Variants in NALCN observed in about 807,000 individuals in gnomAD.
NALCN encodes the protein sodium leak channel, non-selective.
Under a neutral mutation model 225.3 loss-of-function variants are expected in NALCN, and 111 were observed. That is an observed-to-expected ratio of 0.49 (90% confidence interval 0.42 to 0.58). The LOEUF (loss-of-function observed/expected upper bound fraction) is 0.58. NALCN is among the 20% of genes least tolerant of loss of function. NALCN has a pLI of 0.00. For missense variants in NALCN, 1,378 were observed against 2,202.4 expected (o/e 0.63, Z 7.49); for synonymous variants, 764 against 769.0 (o/e 0.99, Z 0.11).
intron 30 of NALCN, 46 bp from the exon 31 acceptor site, chr13:101,083,850 T>G: frequency 1.3e-6 from 2 of 1,581,520 alleles, no homozygotes; most frequent in Non-Finnish European, 8.6e-7. Flanking sequence ...GTCATGTGCT[T>G]GCACCAAGAA....
At chr13:101,246,898 G>C (rs940530415) in intron 11 of NALCN, among the ~76,000 whole-genome samples, 12 of 152,112 alleles carry the variant, frequency 7.9e-5, no homozygotes, top group African/African-American at 2.9e-4. Flanking sequence ...CTAGAAAAGA[G>C]GACTCCCTGC....
At chr13:101,117,130 T>C in intron 18 of NALCN, 1 of 353,638 alleles carries the variant, frequency 2.8e-6, no homozygotes, top group Non-Finnish European at 5.6e-6. Flanking sequence ...CTTCCCAATC[T>C]TGTGTTATTC....
intron 11 of NALCN, among the ~76,000 whole-genome samples, chr13:101,239,895 T>C (rs1362274612): frequency 2.0e-5 from 3 of 152,094 alleles, no homozygotes; most frequent in Non-Finnish European, 4.4e-5. Context: ...TCCATGCCAG[T>C]ATCAGTGTAA....
intron 17 of NALCN, 164 bp downstream of exon 17, chr13:101,142,916 G>T: frequency 1.0e-6 from 1 of 991,298 alleles, no homozygotes; most frequent in Non-Finnish European, 1.5e-6. Context: ...TCAATGCATA[G>T]AGTAAAAAAT....
chr13:101,316,126 A>G (rs539737341), intron 7 of NALCN, among the ~76,000 whole-genome samples: 2 of 152,330 alleles, frequency 1.3e-5, no homozygotes, highest in East Asian at 3.9e-4. Context: ...TACTTAGATC[A>G]TATATGAGAA....
At chr13:101,271,639 C>T (rs185048619) in intron 10 of NALCN, among the ~76,000 whole-genome samples, 32 of 151,356 alleles carry the variant, frequency 2.1e-4, no homozygotes, top group African/African-American at 6.1e-4. Context: ...GAGGTATGTG[C>T]GTGTGTATGT....
At chr13:101,139,248 T>C (rs915850248) in intron 17 of NALCN, among the ~76,000 whole-genome samples, 2 of 152,180 alleles carry the variant, frequency 1.3e-5, no homozygotes, top group Admixed American at 6.5e-5. Flanking sequence ...CTTGGGTAAT[T>C]ACTGGGAGAA....
chr13:101,084,324 T>A (rs577668529), intron 30 of NALCN, among the ~76,000 whole-genome samples: 1 of 152,350 alleles, frequency 6.6e-6, no homozygotes, highest in African/African-American at 2.4e-5. Context: ...AATTCCATAT[T>A]CTGTATAATA....
intron 17 of NALCN, among the ~76,000 whole-genome samples, chr13:101,127,680 G>A (rs1016141390): frequency 1.3e-5 from 2 of 152,058 alleles, no homozygotes; most frequent in Non-Finnish European, 2.9e-5. Context: ...TTAAAAGAAG[G>A]AAAGGACTCA....
At chr13:101,128,000 G>T (rs915298624) in intron 17 of NALCN, among the ~76,000 whole-genome samples, 1 of 152,052 alleles carries the variant, frequency 6.6e-6, no homozygotes, top group Non-Finnish European at 1.5e-5. Flanking sequence ...GCAAAACAAA[G>T]AATACAGAGA....
Position 101,095,650 on chromosome 13 carries a change from C to T in NALCN, c.3193G>A (p.Val1065Ile). ...AAATTTAAGTTCTTTGACACACTGA[C>T]ATTAATTCTGAATATGCCATTGCAA... Reference protein sequence around the residue: ...EDCNGIFRINVSVSKNLNLKL... With the variant: ...EDCNGIFRINISVSKNLNLKL... The change falls in exon 28 of 44, where the codon GTC becomes ATC. Residue 1065 changes from valine (V) to isoleucine (I), a missense_variant. Physicochemically the swap from Val to Ile is conservative, Grantham distance 29. Around this residue, in one of 19 missense-constraint regions of NALCN, gnomAD observed 292 missense variants for 409.5 expected, o/e 0.71. Coordinates refer to ENST00000251127, the MANE Select transcript of NALCN (RefSeq NM_052867.4). The T allele has an allele frequency of 6.2e-7, 1 of 1,613,216 alleles. No homozygotes were observed. Among genetic ancestry groups the T allele is most frequent in the Non-Finnish European group, 8.5e-7 (1 of 1,179,604 alleles).
At chr13:101,082,954 C>T (rs1400398482) in intron 32 of NALCN, 71 bp from the exon 33 acceptor site, 2 of 1,588,326 alleles carry the variant, frequency 1.3e-6, no homozygotes, top group African/African-American at 2.7e-5. Flanking sequence ...CCTCTTCTGC[C>T]CACTTTGCCA....
chr13:101,350,369 G>C (rs2045873737), intron 6 of NALCN, among the ~76,000 whole-genome samples: 1 of 151,182 alleles, frequency 6.6e-6, no homozygotes, highest in Non-Finnish European at 1.5e-5. Context: ...GTTTTCTTTG[G>C]TTAACCCCAT....
intron 13 of NALCN, among the ~76,000 whole-genome samples, chr13:101,200,701 C>T (rs1012849944): frequency 2.6e-5 from 4 of 152,086 alleles, no homozygotes; most frequent in African/African-American, 9.7e-5. Context: ...GCAGAAGATC[C>T]TTTTCTCTCT....
At chr13:101,113,715 AAAGT>A (rs1489949399) in intron 18 of NALCN, among the ~76,000 whole-genome samples, 8 of 152,374 alleles carry the variant, frequency 5.3e-5, no homozygotes, top group African/African-American at 1.9e-4. Context: ...TGGGCTCTGA[AAAGT>A]AACATGAAAT....
intron 7 of NALCN, among the ~76,000 whole-genome samples, chr13:101,308,820 C>T (rs943529390): frequency 2.0e-5 from 3 of 152,084 alleles, no homozygotes; most frequent in Admixed American, 1.3e-4. Context: ...GATAAAACAG[C>T]TCTTTTTTTC....
At chr13:101,308,902 C>A (rs1378104111) in intron 7 of NALCN, among the ~76,000 whole-genome samples, 1 of 150,828 alleles carries the variant, frequency 6.6e-6, no homozygotes, top group Non-Finnish European at 1.5e-5. Flanking sequence ...ACACTTCATA[C>A]CTACACTTAG....
At chr13:101,071,888 A>G (rs1245949716) in intron 37 of NALCN, among the ~76,000 whole-genome samples, 1 of 152,168 alleles carries the variant, frequency 6.6e-6, no homozygotes, top group East Asian at 1.9e-4. Flanking sequence ...TCTTCTATTC[A>G]CTTGAACACT....
At chr13:101,237,225 G>A (rs2041595280) in intron 12 of NALCN, among the ~76,000 whole-genome samples, 1 of 151,956 alleles carries the variant, frequency 6.6e-6, no homozygotes, top group Admixed American at 6.6e-5. Context: ...AGAATTATAA[G>A]TGCCATCATG....
Sources: gnomAD v4.1 joint callset for allele counts (sites outside exome capture counted in the v4.1 genomes callset) on GRCh38, gnomAD v4.1.1 for gene constraint, gnomAD v4.1.1 regional missense constraint, MANE v1.5 for transcripts, NCBI Gene and HGNC (gene_info 2026-07-23, HGNC 2026-07-21) for gene names.